HSPG2: variants seen among roughly 807,000 people sequenced by gnomAD.
HSPG2 encodes the protein basement membrane-specific heparan sulfate proteoglycan core protein.
In HSPG2, 278 loss-of-function variants were observed where a neutral mutation model predicts 526.6. That is an observed-to-expected ratio of 0.53 (90% CI 0.48 to 0.58). HSPG2 has a LOEUF of 0.58. Ranked by LOEUF, HSPG2 falls within the 20% of genes least tolerant of loss-of-function variation. The pLI is 0.00. For synonymous variants in HSPG2, 2,465 were observed against 2,555.4 expected (o/e 0.96, Z 1.07); for missense variants, 5,354 against 6,099.5 (o/e 0.88, Z 4.07).
At chr1:21,850,974 CT>C (rs11431222) in intron 55 of HSPG2, among the ~76,000 whole-genome samples, 1,699 of 140,770 alleles carry the variant, frequency 0.012, 19 homozygotes, top group African/African-American at 0.026. Context: ...CTGTGAGGTA[CT>C]TTTTTTTTTT....
chr1:21,846,410 T>C (rs754291880), intron 63 of HSPG2, 38 bp downstream of exon 63: 2 of 1,612,576 alleles, frequency 1.2e-6, no homozygotes, highest in Non-Finnish European at 8.5e-7. Context: ...GGCCCCCACA[T>C]CCAGCGGCTC....
rs1639600726 is a variant in HSPG2, at chr1:21,859,425, C to G, written c.5293+141G>C. ...AAAATGAGTCTTGAATCTGCCACCT[C>G]TCCTCATCTCCATGGCTGCTGACCT... is the stretch of plus-strand genomic sequence containing the variant. On this transcript the variant is annotated intron_variant, in intron 42 of 96. Coordinates refer to ENST00000374695, the MANE Select transcript of HSPG2 (RefSeq NM_005529.7). This position sits in a 1 kb window ranked among gnomAD's most constrained non-coding sequence, Gnocchi z 5.3. 11 of 705,710 alleles carry G rather than the reference C, an allele frequency of 1.6e-5. No individual in the cohort carries two copies. In the South Asian group the frequency reaches 1.7e-4, roughly 11 times the overall value. 43.7% of individuals were successfully genotyped at this position (705,710 alleles called of 1,614,324 possible). A position where few individuals can be genotyped will look rare whatever the true frequency, so the allele number is the denominator to read the frequency against.
intron 39 of HSPG2, among the ~76,000 whole-genome samples, chr1:21,860,439 T>C (rs1639698621): frequency 6.6e-6 from 1 of 152,074 alleles, no homozygotes; most frequent in African/African-American, 2.4e-5. Flanking sequence ...TGTTAGCAGG[T>C]TGGGTGATGA....
Position 21,839,672 on chromosome 1 carries a change from C to A in HSPG2, c.9710-122G>T, listed in dbSNP as rs2098040878. On this transcript the variant is annotated intron_variant, in intron 72 of 96. Coordinates refer to ENST00000374695, the MANE Select transcript of HSPG2 (RefSeq NM_005529.7). This position sits in a 1 kb window ranked among gnomAD's most constrained non-coding sequence, Gnocchi z 4.5. ...CCTCTATGGGGACCCCAGTTGGGTT[C>A]CTCGGCCATCACTGGGGGATGCTAG... 1.4e-6 allele frequency: 2 copies of A among 1,404,326 alleles called. No individual in the cohort carries two copies. The highest frequency in any genetic ancestry group is 2.0e-6 in the Non-Finnish European group (2 of 1,016,768). The allele number at this position is 1,404,326 out of a possible 1,614,324, so 87.0% of individuals were successfully genotyped here. A position where few individuals can be genotyped will look rare whatever the true frequency, so the allele number is the denominator to read the frequency against.
chr1:21,863,068 A>AAAAAAAAAAAAAAC (rs1557740496), intron 37 of HSPG2, among the ~76,000 whole-genome samples: 30 of 66,262 alleles, frequency 4.5e-4, no homozygotes, highest in South Asian at 4.0e-3. Flanking sequence ...CTCAAAAAAA[A>AAAAAAAAAAAAAAC]AAAAAAAAAA....
Position 21,875,628 on chromosome 1 carries a change from C to A in HSPG2, c.3302+1G>T, listed in dbSNP as rs758786875. 1.9e-6 allele frequency: 3 copies of A among 1,600,568 alleles called. No individual in the cohort carries two copies. The highest frequency in any genetic ancestry group is 2.5e-6 in the Non-Finnish European group (3 of 1,179,528). ...GGTCCTCCTGCCCCGGCTCCAGACA[C>A]CTGCTCTCAGCGGGCTGCTGGGCGT... On this transcript the variant is annotated splice_donor_variant, in intron 25 of 96. Coordinates refer to ENST00000374695, the MANE Select transcript of HSPG2 (RefSeq NM_005529.7). LOFTEE classifies it high-confidence loss of function.
chr1:21,870,033 T>G (rs543927179), intron 33 of HSPG2, among the ~76,000 whole-genome samples: 2 of 152,364 alleles, frequency 1.3e-5, no homozygotes, highest in South Asian at 4.1e-4. Flanking sequence ...TTCATGGTTC[T>G]GGAATGTTTC....
At position 21,876,371 on chromosome 1, in the gene HSPG2, C is replaced by T. The variant is rs536957189; in HGVS notation, c.2861G>A (p.Ser954Asn). The T allele has an allele frequency of 3.1e-6, 5 of 1,612,592 alleles. No homozygotes were observed. Among genetic ancestry groups the T allele is most frequent in the South Asian group, 2.2e-5 (2 of 90,708 alleles). The change falls in exon 23 of 97, where the codon AGC (serine) becomes AAC (asparagine). Residue 954 changes from serine (S) to asparagine (N), a missense_variant. Ser to Asn is a conservative substitution (Grantham distance 46). Coordinates refer to ENST00000374695, the MANE Select transcript of HSPG2 (RefSeq NM_005529.7). ...HGASEEPGHF[S>N]LTNAASTHTT... Reference sequence around the variant, plus strand: ...GTGGGTGCTTGCGGCGTTGGTCAGGCTGAAGTGACCAGGCTCCTCAGAGGC... The same window carrying T: ...GTGGGTGCTTGCGGCGTTGGTCAGGTTGAAGTGACCAGGCTCCTCAGAGGC...
Position 21,884,898 on chromosome 1 carries a change from C to G in HSPG2, c.1376G>C (p.Gly459Ala). 6.2e-7 allele frequency: 1 copy of G among 1,613,988 alleles called. No homozygotes were observed. The highest frequency in any genetic ancestry group is 1.3e-5 in the African/African-American group (1 of 75,048). The change falls in exon 12 of 97, where the codon GGT (glycine) becomes GCT (alanine). Residue 459 changes from glycine (G) to alanine (A), a missense_variant. By Grantham distance (60) the Gly-to-Ala change is moderately conservative. Coordinates refer to ENST00000374695, the MANE Select transcript of HSPG2 (RefSeq NM_005529.7). The stretch of plus-strand genomic sequence containing the variant: ...ACGGATGATCAGTGTGCCACGGCCA[C>G]CCTCGCTGGTCACTGTCACCCTGGT... ...SHPRVTVTSE[G>A]GRGTLIIRDV...
chr1:21,875,153 C>A, intron 25 of HSPG2, 151 bp from the exon 26 acceptor site: 1 of 682,630 alleles, frequency 1.5e-6, no homozygotes. Context: ...GCTGCGAGGA[C>A]CGTGGCAAAC....
Position 21,858,759 on chromosome 1 carries a change from G to A in HSPG2, c.5293+807C>T, listed in dbSNP as rs1039356239. 1.3e-5 allele frequency among the ~76,000 whole-genome samples: 2 copies of A among 152,202 alleles called. No homozygotes were observed. Among genetic ancestry groups the A allele is most frequent in the African/African-American group, 2.4e-5 (1 of 41,448 alleles). On this transcript the variant is annotated intron_variant, in intron 42 of 96. Coordinates refer to ENST00000374695, the MANE Select transcript of HSPG2 (RefSeq NM_005529.7). This position sits in a 1 kb window ranked among gnomAD's most constrained non-coding sequence, Gnocchi z 4.2. Reference sequence around the variant, plus strand: ...TTCTCAGGCCACTGGAGCCCACAGTGCACACCCATGGGTGGGACAGATGTG... The same window carrying A: ...TTCTCAGGCCACTGGAGCCCACAGTACACACCCATGGGTGGGACAGATGTG...
intron 13 of HSPG2, among the ~76,000 whole-genome samples, chr1:21,881,995 T>C (rs559107583): frequency 7.1e-4 from 108 of 151,608 alleles, no homozygotes; most frequent in Non-Finnish European, 1.3e-3. Flanking sequence ...TGCAGTTTTT[T>C]CCTCCTTCCC....
In HSPG2 at chr1:21,876,506, AG is replaced by A; in HGVS notation, c.2826+5del. ...GCGGTCCTGCCCGCCCACCTTGCAG[AG>A]GTACCTGGGCACGGCTCCATGAAGA... On this transcript the variant is annotated splice_donor_5th_base_variant and intron_variant, in intron 22 of 96. Transcript: ENST00000374695. 6.2e-7 allele frequency: 1 copy of A among 1,614,132 alleles called. No homozygotes were observed.
intron 51 of HSPG2, 24 bp downstream of exon 51, chr1:21,852,895 G>C (rs774426989): frequency 6.2e-7 from 1 of 1,612,058 alleles, no homozygotes; most frequent in African/African-American, 1.3e-5. Flanking sequence ...CCTCCAGCAA[G>C]GTGGTCCCGG....
At position 21,887,090 on chromosome 1, in the gene HSPG2, T is replaced by C. The variant is rs1641949458; in HGVS notation, c.1078+125A>G. On this transcript the variant is annotated intron_variant, in intron 9 of 96. Coordinates refer to ENST00000374695, the MANE Select transcript of HSPG2 (RefSeq NM_005529.7). The surrounding 1 kb of genome is among the most constrained non-coding windows in gnomAD (Gnocchi z 5.0). ...AGCCAGGGAGAGCAAACAAACAGGCTTGGGGGACTGGGGAGGGGGGAAAGC... is the reference window on the plus strand; with the variant it reads ...AGCCAGGGAGAGCAAACAAACAGGCCTGGGGGACTGGGGAGGGGGGAAAGC... The C allele has an allele frequency of 3.1e-6, 3 of 969,432 alleles. No individual in the cohort carries two copies. The highest frequency in any genetic ancestry group is 2.7e-5 in the Admixed American group (1 of 37,388). The allele number at this position is 969,432 out of a possible 1,614,324, so 60.1% of individuals were successfully genotyped here.
chr1:21,903,503 A>G (rs1157749875), intron 1 of HSPG2, among the ~76,000 whole-genome samples: 1 of 152,220 alleles, frequency 6.6e-6, no homozygotes, highest in Non-Finnish European at 1.5e-5. Context: ...CTGGAGGCTG[A>G]GGCAGGAGAA....
intron 66 of HSPG2, 149 bp from the exon 67 acceptor site, chr1:21,843,070 C>A: frequency 9.4e-7 from 1 of 1,060,556 alleles, no homozygotes; most frequent in East Asian, 2.5e-5. Context: ...GTCTCCTTTC[C>A]CTGGGGACTC....
intron 96 of HSPG2, 54 bp downstream of exon 96, chr1:21,823,562 G>T: frequency 6.2e-7 from 1 of 1,609,424 alleles, no homozygotes; most frequent in Non-Finnish European, 8.5e-7. Flanking sequence ...GCGAGCTCTA[G>T]CCCTAAGGGA....
chr1:21,833,900 T>C lies in HSPG2; in HGVS notation c.10746A>G (p.Gln3582=), dbSNP rs1187981028. 2 of 1,594,108 alleles carry C rather than the reference T, an allele frequency of 1.3e-6. No homozygotes were observed. The highest frequency in any genetic ancestry group is 3.5e-5 in the Admixed American group (2 of 57,254). Residue 3582 remains glutamine, a synonymous_variant, in exon 78 of 97, where the codon CAA becomes CAG. Coordinates refer to ENST00000374695, the MANE Select transcript of HSPG2 (RefSeq NM_005529.7). ...VQALPQISMP[Q]EVRVPAGSAA... ...CAGAACCAGCAGGCACACGGACTTC[T>C]TGGGGCATTGAGATCTGGGGCAAGG... is the stretch of plus-strand genomic sequence containing the variant.
Sources: allele counts gnomAD v4.1 joint callset (sites outside exome capture counted in the v4.1 genomes callset), GRCh38; gene constraint gnomAD v4.1.1; non-coding constraint Gnocchi (gnomAD v3.1); transcripts MANE v1.5; gene names NCBI Gene and HGNC (gene_info 2026-07-23, HGNC 2026-07-21).